Variants in GSR observed in about 807,000 individuals in gnomAD.
The protein encoded by GSR is glutathione-disulfide reductase, also known as glutathione reductase, mitochondrial.
In GSR, 48 loss-of-function variants were observed where a neutral mutation model predicts 56.5. The observed-to-expected ratio is 0.85, with a 90% CI of 0.67 to 1.08. GSR has a LOEUF of 1.08. Among genes scored for constraint, GSR ranks in the 50% least tolerant of loss-of-function variants. The pLI, the probability that GSR is intolerant of heterozygous loss-of-function variation, is 0.00. For synonymous variants in GSR, 264 were observed against 270.8 expected, an observed-to-expected ratio of 0.97 and a Z score of 0.25; for missense variants, 694 against 703.3, an observed-to-expected ratio of 0.99 and a Z score of 0.15.
At position 30,682,520 on chromosome 8, in the gene GSR, C is replaced by T. The variant is rs557466618; in HGVS notation, c.1154-459G>A. ...CGTGTTTCGACTTGGGTCGCATCTG[C>T]AAAATATCTCATTATATATATGCAA... On this transcript the variant is annotated intron_variant, in intron 10 of 12. Coordinates refer to ENST00000221130, the MANE Select transcript of GSR (RefSeq NM_000637.5). Among the ~76,000 whole-genome samples, 42 of 152,276 alleles carry T rather than the reference C, an allele frequency of 2.8e-4. 1 individual carries two copies. The highest frequency in any genetic ancestry group is 9.8e-4 in the Admixed American group (15 of 15,298).
intron 9 of GSR, among the ~76,000 whole-genome samples, chr8:30,685,060 C>T (rs1227210869): frequency 6.6e-6 from 1 of 151,648 alleles, no homozygotes. Flanking sequence ...CCCAGGTTCA[C>T]GCCATTCTCC....
chr8:30,681,959 G>A lies in GSR; in HGVS notation c.1256C>T (p.Pro419Leu), dbSNP rs746243432. 43 of 1,613,374 alleles carry A rather than the reference G, an allele frequency of 2.7e-5. No individual in the cohort carries two copies. Among genetic ancestry groups the A allele is most frequent in the Admixed American group, 1.5e-4 (9 of 59,994 alleles). ...CGTGAGTCCCACTGTCCCAATAGGGGGGTGGCTGAAGACCACAGTTGGGAT... is the reference window on the plus strand; with the variant it reads ...CGTGAGTCCCACTGTCCCAATAGGGAGGTGGCTGAAGACCACAGTTGGGAT... ...NNIPTVVFSH[P>L]PIGTVGLTED... Residue 419 changes from proline (P) to leucine (L), a missense_variant, in exon 11 of 13, where the codon CCC (proline) becomes CTC (leucine). By Grantham distance (98) the Pro-to-Leu change is moderately conservative. Coordinates refer to ENST00000221130, the MANE Select transcript of GSR (RefSeq NM_000637.5).
intron 7 of GSR, among the ~76,000 whole-genome samples, chr8:30,693,615 G>A (rs955282079): frequency 3.3e-5 from 5 of 151,714 alleles, no homozygotes; most frequent in African/African-American, 4.8e-5. Context: ...TGCAACCTCC[G>A]CCTCCTGGAT....
rs868517327 is a variant in GSR, at chr8:30,685,890, G to A, written c.1042-1691C>T. ...AAGTCCCAGCTACTTGGGAAGCTGA[G>A]GCAGGAGAATCACTTGAACCCAGGG... is the stretch of plus-strand genomic sequence containing the variant. On this transcript the variant is annotated intron_variant, in intron 9 of 12. Transcript: ENST00000221130. Among the ~76,000 whole-genome samples, 3 of 149,874 alleles carry A rather than the reference G, an allele frequency of 2.0e-5. No individual in the cohort carries two copies. In the South Asian group the frequency reaches 6.3e-4, roughly 31 times the overall value.
intron 2 of GSR, among the ~76,000 whole-genome samples, chr8:30,710,880 A>G (rs930781593): frequency 1.3e-5 from 2 of 152,026 alleles, no homozygotes; most frequent in African/African-American, 4.8e-5. Flanking sequence ...GCCCAGTGGT[A>G]TATTTAAAAA....
At chr8:30,703,638 T>C (rs868657961) in intron 4 of GSR, among the ~76,000 whole-genome samples, 37 of 151,866 alleles carry the variant, frequency 2.4e-4, no homozygotes, top group African/African-American at 8.4e-4. Context: ...TCCCAGCTCT[T>C]TGAGGGGCTG....
chr8:30,697,805 G>A (rs1456584547), intron 6 of GSR, among the ~76,000 whole-genome samples: 3 of 152,056 alleles, frequency 2.0e-5, no homozygotes, highest in African/African-American at 7.2e-5. Flanking sequence ...CCTCCGGCCT[G>A]AGCCTCCCAA....
At chr8:30,680,625 C>G (rs1802918714) in intron 12 of GSR, among the ~76,000 whole-genome samples, 1 of 151,688 alleles carries the variant, frequency 6.6e-6, no homozygotes, top group Non-Finnish European at 1.5e-5. Context: ...AAACTCCTGA[C>G]CTCAGGTGAT....
chr8:30,723,638 A>T (rs907391231), intron 1 of GSR, among the ~76,000 whole-genome samples: 1 of 151,910 alleles, frequency 6.6e-6, no homozygotes, highest in African/African-American at 2.4e-5. Context: ...TAAAAATACA[A>T]AAAATTTGCC....
chr8:30,704,663 T>C (rs984125789), intron 4 of GSR: 8 of 152,206 alleles, frequency 5.3e-5, no homozygotes, highest in Non-Finnish European at 1.0e-4. Context: ...AATGGAACCA[T>C]GTAAGCATGA....
intron 4 of GSR, 98 bp from the exon 5 acceptor site, chr8:30,703,338 A>G: frequency 8.5e-7 from 1 of 1,171,368 alleles, no homozygotes; most frequent in Non-Finnish European, 1.3e-6. Context: ...GAACATTTTG[A>G]TTCTTGGTTT....
chr8:30,705,302 G>C (rs1803883776), intron 4 of GSR, among the ~76,000 whole-genome samples: 1 of 151,218 alleles, frequency 6.6e-6, no homozygotes, highest in South Asian at 2.1e-4. Flanking sequence ...TTGCATTTTT[G>C]CCCAGGCTGG....
Position 30,678,952 on chromosome 8 carries a change from C to G in GSR, c.*568G>C, listed in dbSNP as rs962571092. 3.6e-4 allele frequency: 55 copies of G among 153,042 alleles called. 1 individual carries two copies. The highest frequency in any genetic ancestry group is 1.2e-3 in the South Asian group (6 of 4,884). The allele number at this position is 153,042 out of a possible 1,614,324, so 9.5% of individuals were successfully genotyped here. A position where few individuals can be genotyped will look rare whatever the true frequency, so the allele number is the denominator to read the frequency against. ...ATCACCTGAAGGTGGGAGTTTGAGA[C>G]CAGCCTGACCAACATGGAGAAACCC... On this transcript the variant is annotated 3_prime_UTR_variant, in exon 13 of 13. Transcript: ENST00000221130.
rs112005843 is a variant in GSR at position 30,679,798 on chromosome 8, C to T, written c.1420-129G>A. ...TCGGCTCGCTGCAACCTCCACCTCC[C>T]GGGTTCAAGTGATTCTCCTGCCTCA... is the stretch of plus-strand genomic sequence containing the variant. On this transcript the variant is annotated intron_variant, in intron 12 of 12. Transcript: ENST00000221130. 1,154 of 793,694 alleles carry T rather than the reference C, an allele frequency of 1.5e-3. 14 individuals are homozygous for T. The African/African-American group carries it at 0.016, about 11-fold the overall frequency. 49.2% of individuals were successfully genotyped at this position (793,694 alleles called of 1,614,324 possible).
At chr8:30,689,918 TTAA>T (rs1303068143) in intron 8 of GSR, among the ~76,000 whole-genome samples, 1 of 142,600 alleles carries the variant, frequency 7.0e-6, no homozygotes, top group Non-Finnish European at 1.5e-5. Context: ...ATATATGTAT[TTAA>T]TGTTTTTATT....
chr8:30,689,084 G>T, intron 9 of GSR, 77 bp downstream of exon 9: 2 of 1,284,312 alleles, frequency 1.6e-6, no homozygotes, highest in Non-Finnish European at 2.3e-6. Context: ...CCCAAGTTTT[G>T]GGTGTCTGGG....
At chr8:30,695,849 G>A (rs1803526732) in intron 7 of GSR, among the ~76,000 whole-genome samples, 1 of 151,952 alleles carries the variant, frequency 6.6e-6, no homozygotes, top group Non-Finnish European at 1.5e-5. Context: ...AGACCAGCCT[G>A]GCCAACATGG....
At chr8:30,684,751 T>C (rs1419356085) in intron 9 of GSR, among the ~76,000 whole-genome samples, 2 of 151,890 alleles carry the variant, frequency 1.3e-5, no homozygotes, top group African/African-American at 2.4e-5. Flanking sequence ...TATCTATGTT[T>C]ATTTAGTTTT....
chr8:30,721,768 C>T (rs2739011), intron 1 of GSR, among the ~76,000 whole-genome samples: 93,828 of 151,876 alleles, frequency 0.62, 34,943 homozygotes, highest in Non-Finnish European at 0.81. Context: ...TTTCTATAAT[C>T]CCAGCACTTT....
Sources: gnomAD v4.1 joint callset for allele counts (sites outside exome capture counted in the v4.1 genomes callset) on GRCh38, gnomAD v4.1.1 for gene constraint, MANE v1.5 for transcripts, NCBI Gene and HGNC (gene_info 2026-07-23, HGNC 2026-07-21) for gene names.